The following SLC4A8 variants were observed in gnomAD, a reference collection of about 807,000 sequenced individuals.
SLC4A8 encodes the protein solute carrier family 4 member 8, also known as electroneutral sodium bicarbonate exchanger 1.
In SLC4A8, 40 loss-of-function variants were observed where a neutral mutation model predicts 125.0. The observed-to-expected ratio is 0.32, with a 90% CI of 0.25 to 0.42. The LOEUF is 0.42. Among genes scored for constraint, SLC4A8 ranks in the 10% least tolerant of loss-of-function variants. The pLI is 1.00. For synonymous variants in SLC4A8, 456 were observed against 476.0 expected (o/e 0.96, Z 0.55); for missense variants, 863 against 1,355.1 (o/e 0.64, Z 5.70).
chr12:51,498,112 C>T (rs1286185084), intron 22 of SLC4A8, among the ~76,000 whole-genome samples: 1 of 150,754 alleles, frequency 6.6e-6, no homozygotes, highest in African/African-American at 2.4e-5. Flanking sequence ...TCTTGTATTT[C>T]TAAATAAGCT....
In SLC4A8 at chr12:51,398,780, C is replaced by T. The variant is rs181423965; in HGVS notation, c.-112+7292C>T. Among the ~76,000 whole-genome samples, 353 of 152,264 alleles carry T rather than the reference C, an allele frequency of 2.3e-3. 3 individuals are homozygous for T. Among genetic ancestry groups the T allele is most frequent in the African/African-American group, 8.2e-3 (340 of 41,546 alleles). ...TTTTTCTTTTTTTGAGAGAGAGTCT[C>T]GCTCTGTCGCGCAGTCTGGAGTGCA... is the stretch of plus-strand genomic sequence containing the variant. On this transcript the variant is annotated intron_variant, in intron 1 of 24. Coordinates refer to the SLC4A8 transcript ENST00000358657.
At chr12:51,476,842 G>A (rs999533560) in intron 16 of SLC4A8, among the ~76,000 whole-genome samples, 50 of 150,890 alleles carry the variant, frequency 3.3e-4, no homozygotes, top group African/African-American at 1.2e-3. Context: ...TTTTTTCATT[G>A]CACACAATAA....
At chr12:51,411,023 A>C (rs1025416586) in intron 1 of SLC4A8, among the ~76,000 whole-genome samples, 1 of 145,466 alleles carries the variant, frequency 6.9e-6, no homozygotes, top group African/African-American at 2.5e-5. Flanking sequence ...TACAAGTGTG[A>C]GCCACTGCTC....
In SLC4A8 at chr12:51,469,376, G is replaced by A. The variant is rs192474162; in HGVS notation, c.1350-238G>A. On this transcript the variant is annotated intron_variant, in intron 11 of 24. Coordinates refer to ENST00000453097, the MANE Select transcript of SLC4A8 (RefSeq NM_001039960.3). Reference sequence around the variant, plus strand: ...GAACTTTTTATTGAATGGATAATACGCATATCTAAATTAATTCTTTGTATG... The same window carrying A: ...GAACTTTTTATTGAATGGATAATACACATATCTAAATTAATTCTTTGTATG... Among the ~76,000 whole-genome samples, 4 of 151,962 alleles carry A rather than the reference G, an allele frequency of 2.6e-5. No individual in the cohort carries two copies. In the East Asian group the frequency reaches 5.8e-4, roughly 22 times the overall value.
intron 1 of SLC4A8, among the ~76,000 whole-genome samples, chr12:51,408,230 T>TTTTG (rs1341214684): frequency 6.6e-6 from 1 of 151,806 alleles, no homozygotes; most frequent in Non-Finnish European, 1.5e-5. Flanking sequence ...CTATAATGGG[T>TTTTG]TTTGTTTGTT....
intron 16 of SLC4A8, chr12:51,479,969 ATTTTTT>A: frequency 1.0e-4 from 31 of 301,854 alleles, no homozygotes; most frequent in Admixed American, 1.3e-4. Flanking sequence ...TATAAATGGA[ATTTTTT>A]TTTTTTTTTT....
At position 51,504,075 on chromosome 12, in the gene SLC4A8, A is replaced by G; in HGVS notation, c.3128A>G (p.Glu1043Gly). 1 of 1,590,212 alleles carries G rather than the reference A, an allele frequency of 6.3e-7. No individual in the cohort carries two copies. The highest frequency in any genetic ancestry group is 8.6e-7 in the Non-Finnish European group (1 of 1,166,996). The change falls in exon 23 of 25, where the codon GAG (glutamate) becomes GGG (glycine). Residue 1043 changes from glutamate (E) to glycine (G), a missense_variant. Coordinates refer to ENST00000453097, the MANE Select transcript of SLC4A8 (RefSeq NM_001039960.3). ...ATTGGGGGAGACAAGTTTCCCTTAG[A>G]GAGCAGGAAGTTACTAAGTAGTCCT... ...LEIGGDKFPL[E>G]SRKLLSSPGK...
At position 51,432,410 on chromosome 12, in the gene SLC4A8, C is replaced by CAAA. The variant is rs33965654; in HGVS notation, c.48+7391_48+7393dup. On this transcript the variant is annotated intron_variant, in intron 1 of 24. Transcript: ENST00000453097. ...TGGGCGACAGAGCGAGACTCCGCCTCAAAAAAAAAAAAAAAAAAGAAACCC... is the reference window on the plus strand; with the variant it reads ...TGGGCGACAGAGCGAGACTCCGCCTCAAAAAAAAAAAAAAAAAAAAAGAAACCC... Among the ~76,000 whole-genome samples, 97 of 91,996 alleles carry CAAA rather than the reference C, an allele frequency of 1.1e-3. 1 individual carries two copies. The highest frequency in any genetic ancestry group is 2.7e-3 in the African/African-American group (57 of 21,372). 60.4% of individuals were successfully genotyped at this position (91,996 alleles called of 152,430 possible).
intron 4 of SLC4A8, among the ~76,000 whole-genome samples, 184 bp from the exon 5 acceptor site, chr12:51,453,355 C>T (rs1293639652): frequency 6.6e-6 from 1 of 152,186 alleles, no homozygotes; most frequent in Non-Finnish European, 1.5e-5. Context: ...AAACTATACT[C>T]AATCTTGCAG....
chr12:51,496,030 A>G (rs1177503010), intron 21 of SLC4A8, among the ~76,000 whole-genome samples: 1 of 151,544 alleles, frequency 6.6e-6, no homozygotes, highest in African/African-American at 2.4e-5. Flanking sequence ...TGGAAATTCT[A>G]TCTTTAATTT....
intron 1 of SLC4A8, among the ~76,000 whole-genome samples, chr12:51,415,180 G>GA (rs879491124): frequency 7.5e-4 from 108 of 143,642 alleles, no homozygotes; most frequent in African/African-American, 1.1e-3. Context: ...TTTACCATTG[G>GA]AAAAAAAAAA....
intron 21 of SLC4A8, among the ~76,000 whole-genome samples, chr12:51,495,462 T>C (rs977076132): frequency 1.2e-4 from 16 of 136,600 alleles, no homozygotes; most frequent in Admixed American, 2.5e-4. Flanking sequence ...TTTCTTTCTT[T>C]CTTTCTTCTT....
At chr12:51,457,581 A>T in intron 6 of SLC4A8, 42 bp downstream of exon 6, 4 of 1,556,310 alleles carry the variant, frequency 2.6e-6, no homozygotes, top group Non-Finnish European at 3.5e-6. Flanking sequence ...TTAATAAGAC[A>T]TTGGGAACTA....
intron 1 of SLC4A8, among the ~76,000 whole-genome samples, chr12:51,394,955 G>A (rs567081087): frequency 3.7e-4 from 57 of 152,288 alleles, no homozygotes; most frequent in South Asian, 1.0e-3. Flanking sequence ...CTTGAGCCTA[G>A]GAGTTAGAGG....
chr12:51,414,295 C>T (rs1912791), intron 1 of SLC4A8, among the ~76,000 whole-genome samples: 151,941 of 152,280 alleles, frequency 1, 75,802 homozygotes, highest in Non-Finnish European at 1. Context: ...TTACTGACTT[C>T]GTTGGTCAGT....
chr12:51,503,179 C>T (rs1452342594), intron 22 of SLC4A8, among the ~76,000 whole-genome samples: 3 of 150,784 alleles, frequency 2.0e-5, no homozygotes, highest in East Asian at 2.0e-4. Flanking sequence ...TAGTTCTCTT[C>T]GTAGAGATCT....
chr12:51,397,180 G>C, intron 1 of SLC4A8, among the ~76,000 whole-genome samples: 1 of 151,772 alleles, frequency 6.6e-6, no homozygotes. Context: ...CGCCCACCTC[G>C]GCCTCCCAAA....
rs940210517 is a variant in SLC4A8, at chr12:51,509,963, G to C, written c.*2525G>C. 6.6e-6 allele frequency: 1 copy of C among 152,506 alleles called. No homozygotes were observed. The highest frequency in any genetic ancestry group is 1.5e-5 in the Non-Finnish European group (1 of 68,110). The allele number at this position is 152,506 out of a possible 1,614,324, so 9.4% of individuals were successfully genotyped here. ...TGGGCGAATGGGTTGGATGATCCTG[G>C]CTCTGTGGGTGTGGTGCTCGGTTGC... On this transcript the variant is annotated 3_prime_UTR_variant, in exon 25 of 25. Coordinates refer to ENST00000453097, the MANE Select transcript of SLC4A8 (RefSeq NM_001039960.3).
chr12:51,469,470 G>A (rs1286184421), intron 11 of SLC4A8, 144 bp from the exon 12 acceptor site: 7 of 602,880 alleles, frequency 1.2e-5, no homozygotes, highest in Non-Finnish European at 2.0e-5. Context: ...GCTGACCTAA[G>A]AGAGTTATCT....
Sources: allele counts gnomAD v4.1 joint callset (sites outside exome capture counted in the v4.1 genomes callset), GRCh38; gene constraint gnomAD v4.1.1; transcripts MANE v1.5; gene names NCBI Gene and HGNC (gene_info 2026-07-23, HGNC 2026-07-21).